ZC3H12B: variants seen among roughly 807,000 people sequenced by gnomAD.
The protein encoded by ZC3H12B is probable ribonuclease ZC3H12B.
In ZC3H12B, 7 loss-of-function variants were observed where a neutral mutation model predicts 43.9. That is an observed-to-expected ratio of 0.16 (90% CI 0.09 to 0.30). The LOEUF (loss-of-function observed/expected upper bound fraction) is 0.30. ZC3H12B is among the 10% of genes least tolerant of loss of function. ZC3H12B has a pLI of 1.00. For missense variants in ZC3H12B, 475 were observed against 670.2 expected, an observed-to-expected ratio of 0.71 and a Z score of 3.22; for synonymous variants, 222 against 241.7, an observed-to-expected ratio of 0.92 and a Z score of 0.76.
chrX:65,402,640 A>G (rs1282543547), intron 3 of ZC3H12B, among the ~76,000 whole-genome samples: 1 of 111,941 alleles, frequency 8.9e-6, no homozygotes, highest in African/African-American at 3.3e-5. Flanking sequence ...GAGACTCTAT[A>G]TGTTTAGGAG....
At chrX:65,325,774 G>A in the ZC3H12B span, among the ~76,000 whole-genome samples, 1 of 110,833 alleles carries the variant, frequency 9.0e-6, no homozygotes, top group Non-Finnish European at 1.9e-5. Flanking sequence ...ATGAGCAAAA[G>A]AATCGAACTG....
the ZC3H12B span, among the ~76,000 whole-genome samples, chrX:65,054,991 A>T: frequency 4.5e-5 from 5 of 111,794 alleles, no homozygotes; most frequent in Admixed American, 2.9e-4. Flanking sequence ...TTGGGCTGAG[A>T]CGATGGGGTT....
At chrX:65,070,146 A>G in the ZC3H12B span, among the ~76,000 whole-genome samples, 2 of 109,743 alleles carry the variant, frequency 1.8e-5, no homozygotes, top group Non-Finnish European at 3.8e-5. Context: ...CAGAGATTCA[A>G]TGTCTTTTTT....
chrX:65,259,454 A>AAT, the ZC3H12B span, among the ~76,000 whole-genome samples: 1,441 of 112,016 alleles, frequency 0.013, 12 homozygotes, highest in Non-Finnish European at 0.022. Flanking sequence ...TAAAACTATA[A>AAT]AACCCTGGGA....
chrX:65,230,812 T>C, the ZC3H12B span, among the ~76,000 whole-genome samples: 2 of 111,486 alleles, frequency 1.8e-5, no homozygotes, highest in Non-Finnish European at 3.8e-5. Context: ...AAGAAAAGGA[T>C]GCTAATGAAC....
At chrX:65,394,536 C>A (rs764865108) in intron 2 of ZC3H12B, among the ~76,000 whole-genome samples, 195 of 111,602 alleles carry the variant, frequency 1.7e-3, no homozygotes, top group African/African-American at 5.9e-3. Context: ...ATTTCTGAGG[C>A]CTGTGTCCGG....
the ZC3H12B span, among the ~76,000 whole-genome samples, chrX:65,074,862 C>T: frequency 8.9e-6 from 1 of 111,739 alleles, no homozygotes; most frequent in African/African-American, 3.3e-5. Context: ...ATTTATGTAT[C>T]CTATTGTTCT....
chrX:65,234,158 T>A, the ZC3H12B span, among the ~76,000 whole-genome samples: 1 of 111,792 alleles, frequency 8.9e-6, no homozygotes, highest in African/African-American at 3.2e-5. Context: ...AGATTATCCA[T>A]CATCATGTAG....
chrX:65,396,859 GA>G (rs1292918066), intron 2 of ZC3H12B, among the ~76,000 whole-genome samples: 2 of 111,297 alleles, frequency 1.8e-5, no homozygotes, highest in Non-Finnish European at 3.8e-5. Context: ...AGGTCACCAA[GA>G]ACTTGTTTTA....
At chrX:65,246,720 T>A in the ZC3H12B span, among the ~76,000 whole-genome samples, 1 of 112,384 alleles carries the variant, frequency 8.9e-6, no homozygotes, top group African/African-American at 3.2e-5. Flanking sequence ...AGATTGAAAC[T>A]GAACCCCTTC....
chrX:65,206,719 C>G, the ZC3H12B span, among the ~76,000 whole-genome samples: 7 of 111,539 alleles, frequency 6.3e-5, no homozygotes, highest in African/African-American at 1.3e-4. Flanking sequence ...GCAGAGTTAA[C>G]AGACAACCCG....
At chrX:65,199,166 T>A in the ZC3H12B span, among the ~76,000 whole-genome samples, 1 of 107,970 alleles carries the variant, frequency 9.3e-6, no homozygotes, top group Non-Finnish European at 1.9e-5. Flanking sequence ...TTAATTGTTT[T>A]TTATTATTTT....
chrX:65,153,556 C>T, the ZC3H12B span, among the ~76,000 whole-genome samples: 5 of 111,922 alleles, frequency 4.5e-5, no homozygotes, highest in African/African-American at 1.3e-4. Context: ...TTTAGAATGG[C>T]AATTATTAAA....
chrX:65,311,333 G>C, the ZC3H12B span, among the ~76,000 whole-genome samples: 7 of 111,844 alleles, frequency 6.3e-5, no homozygotes, highest in African/African-American at 2.3e-4. Context: ...GTGGGCAAAG[G>C]ATATGAACAG....
chrX:65,447,049 T>C (rs752395628), intron 3 of ZC3H12B, among the ~76,000 whole-genome samples: 1 of 111,922 alleles, frequency 8.9e-6, no homozygotes, highest in South Asian at 3.7e-4. Flanking sequence ...GTCTATTTGG[T>C]TCTTCAGAAC....
the ZC3H12B span, among the ~76,000 whole-genome samples, chrX:65,246,195 C>T: frequency 2.7e-5 from 3 of 111,264 alleles, no homozygotes; most frequent in African/African-American, 9.8e-5. Flanking sequence ...CCTAGGAATA[C>T]AGGTAACTAG....
At chrX:65,161,653 T>C in the ZC3H12B span, among the ~76,000 whole-genome samples, 2 of 112,124 alleles carry the variant, frequency 1.8e-5, no homozygotes, top group Admixed American at 1.9e-4. Context: ...AGTCTATGTG[T>C]GTCTCTGTAA....
the ZC3H12B span, among the ~76,000 whole-genome samples, chrX:65,229,300 C>A: frequency 2.7e-5 from 3 of 111,785 alleles, no homozygotes; most frequent in Non-Finnish European, 5.6e-5. Context: ...TCCCGATTTA[C>A]TAAATGGTGC....
chrX:65,445,150 C>G (rs1023220054), intron 3 of ZC3H12B, among the ~76,000 whole-genome samples: 5 of 112,327 alleles, frequency 4.5e-5, no homozygotes, highest in African/African-American at 1.6e-4. Flanking sequence ...CTCAAAATAA[C>G]TATTTTGAAT....
Sources: gnomAD v4.1 joint callset for allele counts (sites outside exome capture counted in the v4.1 genomes callset) on GRCh38, gnomAD v4.1.1 for gene constraint, MANE v1.5 for transcripts, NCBI Gene and HGNC (gene_info 2026-07-23, HGNC 2026-07-21) for gene names.